Variants in ODAD2 observed in about 807,000 individuals in gnomAD.
The protein encoded by ODAD2 is outer dynein arm docking complex subunit 2, also known as outer dynein arm-docking complex subunit 2.
In ODAD2, 89 loss-of-function variants were observed where a neutral mutation model predicts 106.8. The observed-to-expected ratio is 0.83, with a 90% CI of 0.70 to 0.99. ODAD2 has a LOEUF of 0.99. ODAD2 is among the 50% of genes least tolerant of loss of function. The pLI, the probability that ODAD2 is intolerant of heterozygous loss-of-function variation, is 0.00. For missense variants in ODAD2, 1,168 were observed against 1,238.5 expected (o/e 0.94, Z 0.85); for synonymous variants, 404 against 436.2 (o/e 0.93, Z 0.92).
chr10:27,866,417 A>G (rs1444000738), intron 17 of ODAD2, among the ~76,000 whole-genome samples: 1 of 152,198 alleles, frequency 6.6e-6, no homozygotes, highest in African/African-American at 2.4e-5. Flanking sequence ...TGTAAATTCA[A>G]AAGCAAAAAC....
intron 17 of ODAD2, among the ~76,000 whole-genome samples, chr10:27,892,258 A>G (rs11006758): frequency 0.44 from 67,505 of 151,984 alleles, 16,711 homozygotes; most frequent in Middle Eastern, 0.61. Context: ...AACACAGAAA[A>G]GATCTTAAAT....
intron 17 of ODAD2, among the ~76,000 whole-genome samples, chr10:27,873,049 T>C (rs956574540): frequency 8.9e-6 from 1 of 111,936 alleles, no homozygotes; most frequent in African/African-American, 2.6e-5. Flanking sequence ...AATTGGTCTA[T>C]TGAGGGATTC....
At chr10:27,907,518 T>C in intron 17 of ODAD2, 145 bp downstream of exon 17, 1 of 518,804 alleles carries the variant, frequency 1.9e-6, no homozygotes, top group Non-Finnish European at 3.4e-6. Flanking sequence ...TGCTCCGAAA[T>C]TATTTTGGCA....
Position 27,985,187 on chromosome 10 carries a change from A to C in ODAD2, c.407T>G (p.Ile136Ser). The change falls in exon 4 of 20, where the codon ATC (isoleucine) becomes AGC (serine). Residue 136 changes from isoleucine (I) to serine (S), a missense_variant. By Grantham distance (142) the Ile-to-Ser change is moderately radical. Coordinates refer to ENST00000305242, the MANE Select transcript of ODAD2 (RefSeq NM_018076.5). ...VEANRDPIVK[I>S]LGSDYNTMKE... Reference sequence around the variant, plus strand: ...CATTGTATTATAATCAGAGCCCAGGATTTTTACTATGGGGTCTCTGTTAGC... The same window carrying C: ...CATTGTATTATAATCAGAGCCCAGGCTTTTTACTATGGGGTCTCTGTTAGC... 6.4e-7 allele frequency: 1 copy of C among 1,561,868 alleles called. No homozygotes were observed. Among genetic ancestry groups the C allele is most frequent in the Non-Finnish European group, 8.7e-7 (1 of 1,152,726 alleles).
At chr10:27,864,577 A>AG (rs1229452092) in intron 17 of ODAD2, among the ~76,000 whole-genome samples, 1 of 146,844 alleles carries the variant, frequency 6.8e-6, no homozygotes, top group Non-Finnish European at 1.5e-5. Flanking sequence ...GTGAGGTGAG[A>AG]ATGGGGAGTG....
intron 17 of ODAD2, among the ~76,000 whole-genome samples, chr10:27,864,632 G>A (rs1314341087): frequency 6.6e-6 from 1 of 150,850 alleles, no homozygotes; most frequent in Non-Finnish European, 1.5e-5. Flanking sequence ...TGAGGGGAGA[G>A]TGAGGAGTGG....
rs138205369 is a variant in ODAD2, at chr10:27,944,311, T to C, written c.1654A>G (p.Lys552Glu). ...GCGATAGTCTCGGCTGCCAAACATTTTAGACTCTTGTGTGGAGAATCAAGT... is the reference window on the plus strand; with the variant it reads ...GCGATAGTCTCGGCTGCCAAACATTCTAGACTCTTGTGTGGAGAATCAAGT... The part of the protein sequence containing the change: ...NILDSPHKSL[K>E]CLAAETIANV... Residue 552 changes from lysine (K) to glutamate (E), a missense_variant, in exon 12 of 20, where the codon AAA becomes GAA. Around this residue, in one of 3 missense-constraint regions of ODAD2, gnomAD observed 701 missense variants for 712.3 expected, o/e 0.98. Transcript: ENST00000305242. 3 of 1,613,946 alleles carry C rather than the reference T, an allele frequency of 1.9e-6. 1 individual carries two copies. The South Asian group carries it at 3.3e-5, about 18-fold the overall frequency.
intron 16 of ODAD2, among the ~76,000 whole-genome samples, chr10:27,917,138 A>G (rs1321341180): frequency 6.6e-6 from 1 of 152,158 alleles, no homozygotes. Flanking sequence ...CAGACAGCTG[A>G]GTCATAAAGC....
At chr10:27,957,608 G>C (rs1283525869) in intron 10 of ODAD2, 3 of 152,154 alleles carry the variant, frequency 2.0e-5, no homozygotes, top group African/African-American at 7.2e-5. Flanking sequence ...GAAGCTGGAA[G>C]GTTGGTGAGT....
intron 19 of ODAD2, among the ~76,000 whole-genome samples, chr10:27,820,777 C>CTTTTTTTTTTTTTTTTTTTTTTTTTTTT (rs72095120): frequency 2.8e-5 from 3 of 105,554 alleles, no homozygotes; most frequent in African/African-American, 1.2e-4. Context: ...AGCCCAGCAA[C>CTTTTTTTTTTTTTTTTTTTTTTTTTTTT]TTTTTTTTTT....
chr10:27,848,422 C>A (rs1838965662), intron 19 of ODAD2, among the ~76,000 whole-genome samples: 1 of 151,862 alleles, frequency 6.6e-6, no homozygotes, highest in Non-Finnish European at 1.5e-5. Flanking sequence ...AAAATTGATT[C>A]AAGATGGATT....
intron 17 of ODAD2, among the ~76,000 whole-genome samples, chr10:27,906,451 G>A (rs747546905): frequency 6.6e-6 from 1 of 152,182 alleles, no homozygotes; most frequent in Admixed American, 6.5e-5. Flanking sequence ...AAGACAGTGT[G>A]GCGGTTCCTC....
intron 17 of ODAD2, among the ~76,000 whole-genome samples, chr10:27,889,484 G>T (rs539919674): frequency 2.1e-4 from 32 of 152,150 alleles, no homozygotes; most frequent in Non-Finnish European, 3.4e-4. Flanking sequence ...CAGTAAGAAA[G>T]CTGGGTGGCC....
chr10:27,827,373 C>CTATAT (rs1564401787), intron 19 of ODAD2, among the ~76,000 whole-genome samples: 2 of 87,848 alleles, frequency 2.3e-5, no homozygotes, highest in African/African-American at 8.4e-5. Context: ...CATACACACA[C>CTATAT]ACACACTATA....
chr10:27,848,255 A>C (rs1838945338), intron 19 of ODAD2, among the ~76,000 whole-genome samples: 1 of 152,228 alleles, frequency 6.6e-6, no homozygotes, highest in Admixed American at 6.5e-5. Context: ...CAGAGCCCTC[A>C]GAAATAATAC....
At chr10:27,905,286 A>T (rs1227194275) in intron 17 of ODAD2, 1 of 152,222 alleles carries the variant, frequency 6.6e-6, no homozygotes, top group Non-Finnish European at 1.5e-5. Context: ...GTGAAAAAAA[A>T]TACCTAGGAA....
chr10:27,940,136 C>T, intron 13 of ODAD2, 129 bp from the exon 14 acceptor site: 1 of 606,278 alleles, frequency 1.6e-6, no homozygotes, highest in East Asian at 3.0e-5. Context: ...TAACATATCC[C>T]TACATCAATA....
intron 7 of ODAD2, among the ~76,000 whole-genome samples, chr10:27,978,933 G>T (rs144274384): frequency 1.3e-5 from 2 of 152,046 alleles, no homozygotes; most frequent in African/African-American, 4.8e-5. Context: ...AGTCAGGCTA[G>T]GCATGGGGGC....
chr10:27,946,524 G>A (rs912953697), intron 10 of ODAD2, among the ~76,000 whole-genome samples: 2 of 151,830 alleles, frequency 1.3e-5, no homozygotes, highest in African/African-American at 4.8e-5. Context: ...TTTTGTGGTG[G>A]GAACTTTACA....
Sources: gnomAD v4.1 joint callset for allele counts (sites outside exome capture counted in the v4.1 genomes callset) on GRCh38, gnomAD v4.1.1 for gene constraint, gnomAD v4.1.1 regional missense constraint, MANE v1.5 for transcripts, NCBI Gene and HGNC (gene_info 2026-07-23, HGNC 2026-07-21) for gene names.